The following GLG1 variants were observed in gnomAD, a reference collection of about 807,000 sequenced individuals.
GLG1 encodes golgi glycoprotein 1, also known as Golgi apparatus protein 1.
A neutral mutation model predicts 160.5 loss-of-function variants in GLG1; 38 were observed. The ratio of observed to expected loss-of-function variants is 0.24; its 90% CI spans 0.18 to 0.31. The LOEUF is 0.31. Ranked by LOEUF, GLG1 falls within the 10% of genes least tolerant of loss-of-function variation. The probability of loss-of-function intolerance (pLI) is 1.00; values close to 1 mark genes in which losing one functional copy is unlikely to be tolerated. For synonymous variants in GLG1, 644 were observed against 543.4 expected (o/e 1.19, Z -2.57); for missense variants, 1,373 against 1,505.2 (o/e 0.91, Z 1.45).
chr16:74,528,677 T>C (rs1026666832), intron 2 of GLG1, among the ~76,000 whole-genome samples: 1 of 151,480 alleles, frequency 6.6e-6, no homozygotes, highest in Admixed American at 6.6e-5. Context: ...CTGGGCGTGG[T>C]TGTGGGCACC....
chr16:74,522,870 A>C (rs958897882), intron 2 of GLG1, among the ~76,000 whole-genome samples: 1 of 152,158 alleles, frequency 6.6e-6, no homozygotes, highest in Non-Finnish European at 1.5e-5. Flanking sequence ...TTTTTTGTAG[A>C]GACAGAGTTT....
chr16:74,460,597 T>C (rs868620150), intron 22 of GLG1, among the ~76,000 whole-genome samples: 5 of 152,182 alleles, frequency 3.3e-5, no homozygotes, highest in African/African-American at 1.2e-4. Flanking sequence ...GAACCCTTGG[T>C]CTCTAAACAT....
intron 1 of GLG1, among the ~76,000 whole-genome samples, chr16:74,572,613 G>A (rs949880082): frequency 6.6e-6 from 1 of 151,962 alleles, no homozygotes; most frequent in East Asian, 1.9e-4. Flanking sequence ...AGAGTGGCCT[G>A]CCTGGAGAGG....
intron 1 of GLG1, among the ~76,000 whole-genome samples, chr16:74,575,243 C>T (rs1267639554): frequency 6.6e-6 from 1 of 151,844 alleles, no homozygotes; most frequent in Non-Finnish European, 1.5e-5. Context: ...GAGACTCCAT[C>T]TGAAAAAAAG....
intron 14 of GLG1, among the ~76,000 whole-genome samples, chr16:74,472,028 C>G (rs575993618): frequency 9.2e-5 from 14 of 152,268 alleles, no homozygotes; most frequent in African/African-American, 3.1e-4. Flanking sequence ...CCTCTGCCCC[C>G]TAGGTAACTG....
chr16:74,452,132 C>T lies in GLG1; in HGVS notation c.*1035G>A, dbSNP rs760202878. On this transcript the variant is annotated 3_prime_UTR_variant, in exon 26 of 26. Transcript: ENST00000422840. ...CATTGTCTCTGACCTGTATTGTAGC[C>T]TGAAAAATAAAGCAAAGTGAGTCAA... is the stretch of plus-strand genomic sequence containing the variant. 1 of 1,613,946 alleles carries T rather than the reference C, an allele frequency of 6.2e-7. No homozygotes were observed. Among genetic ancestry groups the T allele is most frequent in the East Asian group, 2.2e-5 (1 of 44,862 alleles).
intron 13 of GLG1, chr16:74,474,104 T>G (rs747380918): frequency 6.4e-6 from 1 of 157,378 alleles, no homozygotes; most frequent in Admixed American, 6.2e-5. Flanking sequence ...CAGGCGTGTT[T>G]CACCACACCC....
chr16:74,456,228 G>C (rs1282937719), intron 25 of GLG1, among the ~76,000 whole-genome samples: 2 of 152,334 alleles, frequency 1.3e-5, no homozygotes, highest in South Asian at 4.1e-4. Flanking sequence ...GGCGAAATGA[G>C]AAAGGAGGGC....
intron 2 of GLG1, among the ~76,000 whole-genome samples, chr16:74,517,708 G>A (rs137880700): frequency 7.0e-4 from 106 of 152,214 alleles, no homozygotes; most frequent in African/African-American, 2.4e-3. Flanking sequence ...AGGGCAATCA[G>A]GCAAGAGAAA....
chr16:74,529,197 G>A (rs1343366919), intron 2 of GLG1, among the ~76,000 whole-genome samples: 1 of 151,992 alleles, frequency 6.6e-6, no homozygotes, highest in Non-Finnish European at 1.5e-5. Context: ...TCGAACTCCT[G>A]ACCTCAAGTA....
chr16:74,544,560 G>A (rs1359016324), intron 1 of GLG1, among the ~76,000 whole-genome samples: 1 of 152,210 alleles, frequency 6.6e-6, no homozygotes, highest in Non-Finnish European at 1.5e-5. Flanking sequence ...AGGCTGGAGT[G>A]CAATAGCGTG....
intron 20 of GLG1, 74 bp downstream of exon 20, chr16:74,463,282 G>A (rs994352566): frequency 1.6e-5 from 23 of 1,440,394 alleles, no homozygotes; most frequent in Middle Eastern, 3.9e-4. Flanking sequence ...GGGAGTTTGA[G>A]CAGGTCACTC....
At chr16:74,472,474 G>A (rs2015241479) in intron 13 of GLG1, 63 bp from the exon 14 acceptor site, 25 of 1,388,750 alleles carry the variant, frequency 1.8e-5, no homozygotes, top group Non-Finnish European at 2.5e-5. Context: ...AGGAGGAGCA[G>A]TTTCTCTTTC....
At chr16:74,546,503 G>A (rs1242554232) in intron 1 of GLG1, among the ~76,000 whole-genome samples, 2 of 152,042 alleles carry the variant, frequency 1.3e-5, no homozygotes, top group African/African-American at 4.8e-5. Context: ...TGAAACTTTA[G>A]TGTAGGCCAT....
At position 74,458,028 on chromosome 16, in the gene GLG1, T is replaced by C. The variant is rs570916026; in HGVS notation, c.3145-34A>G. The C allele has an allele frequency of 3.7e-6, 6 of 1,608,852 alleles. No individual in the cohort carries two copies. In the African/African-American group the frequency reaches 6.7e-5, roughly 18 times the overall value. On this transcript the variant is annotated intron_variant, in intron 23 of 25. Coordinates refer to ENST00000422840, the MANE Select transcript of GLG1 (RefSeq NM_001145667.2). Reference sequence around the variant, plus strand: ...GGAGGGTCATTGCAGACAGAGCTTTTGAAGGGGAAATGCATCAGATCTGTT... The same window carrying C: ...GGAGGGTCATTGCAGACAGAGCTTTCGAAGGGGAAATGCATCAGATCTGTT...
At chr16:74,498,215 G>A (rs1285027550) in intron 4 of GLG1, among the ~76,000 whole-genome samples, 2 of 149,534 alleles carry the variant, frequency 1.3e-5, no homozygotes, top group African/African-American at 4.9e-5. Context: ...GGCGGATCAC[G>A]AGGTCAAGAG....
At chr16:74,542,735 G>A (rs58046496) in intron 1 of GLG1, among the ~76,000 whole-genome samples, 13,798 of 27,656 alleles carry the variant, frequency 0.5, 3,442 homozygotes, top group East Asian at 0.65. Flanking sequence ...GGAAGGAAGG[G>A]AGGAAGGAAG....
At chr16:74,565,383 T>G (rs183780770) in intron 1 of GLG1, among the ~76,000 whole-genome samples, 12 of 152,314 alleles carry the variant, frequency 7.9e-5, no homozygotes, top group Non-Finnish European at 1.5e-5. Context: ...GGGGAATTGT[T>G]AAAGTTAGCC....
intron 2 of GLG1, among the ~76,000 whole-genome samples, chr16:74,522,912 G>T (rs750757134): frequency 6.6e-6 from 1 of 152,112 alleles, no homozygotes; most frequent in African/African-American, 2.4e-5. Flanking sequence ...CTCAAACTCT[G>T]GGCTCATGCA....
Sources: gnomAD v4.1 joint callset for allele counts (sites outside exome capture counted in the v4.1 genomes callset) on GRCh38, gnomAD v4.1.1 for gene constraint, MANE v1.5 for transcripts, NCBI Gene and HGNC (gene_info 2026-07-23, HGNC 2026-07-21) for gene names.